The following NAV2 variants were observed in gnomAD, a reference collection of about 807,000 sequenced individuals.
The protein encoded by NAV2 is neuron navigator 2.
In NAV2, 54 loss-of-function variants were observed where a neutral mutation model predicts 223.2. That is an observed-to-expected ratio of 0.24 (90% CI 0.19 to 0.30). The LOEUF is 0.30. NAV2 is among the 10% of genes least tolerant of loss of function. The probability of loss-of-function intolerance (pLI) is 1.00; values close to 1 mark genes in which losing one functional copy is unlikely to be tolerated. For synonymous variants in NAV2, 1,279 were observed against 1,239.3 expected (o/e 1.03, Z -0.67); for missense variants, 2,806 against 3,147.5 (o/e 0.89, Z 2.60).
intron 3 of NAV2, among the ~76,000 whole-genome samples, chr11:19,854,125 C>T (rs988151771): frequency 1.3e-5 from 2 of 152,170 alleles, no homozygotes; most frequent in African/African-American, 4.8e-5. Flanking sequence ...ATATAAAAGC[C>T]ATCTGGGCCT....
chr11:19,434,016 C>G (rs1252097974), intron 1 of NAV2, among the ~76,000 whole-genome samples: 1 of 152,008 alleles, frequency 6.6e-6, no homozygotes, highest in East Asian at 1.9e-4. Context: ...GTGTAGGTGC[C>G]AGGCTTGGAA....
intron 1 of NAV2, 146 bp downstream of exon 1, chr11:19,714,108 G>T (rs1290768248): frequency 4.8e-6 from 6 of 1,256,570 alleles, no homozygotes; most frequent in Non-Finnish European, 1.1e-6. Flanking sequence ...GGCAGGTTGG[G>T]GGATGCGCGA....
chr11:19,916,751 C>G (rs1031992185), intron 6 of NAV2, among the ~76,000 whole-genome samples: 1 of 152,210 alleles, frequency 6.6e-6, no homozygotes, highest in Non-Finnish European at 1.5e-5. Context: ...TCTGGTGCAG[C>G]TATTCAATAT....
chr11:20,009,442 G>T lies in NAV2; in HGVS notation c.2768+25195G>T, dbSNP rs1333514922. On this transcript the variant is annotated intron_variant, in intron 11 of 37. Transcript: ENST00000349880. ...AGAACCTGTGACAAATGAGCTGTGA[G>T]ATAGTGTTATGATTTACAGCTTTCC... Among the ~76,000 whole-genome samples, 4 of 152,210 alleles carry T rather than the reference G, an allele frequency of 2.6e-5. No individual in the cohort carries two copies. In the East Asian group the frequency reaches 7.7e-4, roughly 29 times the overall value.
intron 1 of NAV2, among the ~76,000 whole-genome samples, chr11:19,781,697 G>A (rs1013978577): frequency 2.0e-5 from 3 of 151,856 alleles, no homozygotes; most frequent in Non-Finnish European, 4.4e-5. Context: ...CCAGGATGCT[G>A]TGGGCCCTGC....
At chr11:19,389,615 A>G (rs1849171237) in intron 1 of NAV2, among the ~76,000 whole-genome samples, 1 of 152,156 alleles carries the variant, frequency 6.6e-6, no homozygotes. Flanking sequence ...GTTGTGCCTC[A>G]CTGTGTTGTG....
chr11:19,525,533 G>T (rs2043814134), intron 1 of NAV2, among the ~76,000 whole-genome samples: 2 of 152,200 alleles, frequency 1.3e-5, no homozygotes, highest in Non-Finnish European at 2.9e-5. Flanking sequence ...ACAAGTCTGT[G>T]TGCCCAGGGA....
intron 5 of NAV2, among the ~76,000 whole-genome samples, chr11:19,890,412 G>A (rs552108859): frequency 6.6e-6 from 1 of 152,234 alleles, no homozygotes. Context: ...GCACAGCAGG[G>A]GCTCTCCAGC....
intron 1 of NAV2, among the ~76,000 whole-genome samples, chr11:19,750,849 C>T (rs1374620504): frequency 6.6e-6 from 1 of 152,208 alleles, no homozygotes; most frequent in Non-Finnish European, 1.5e-5. Flanking sequence ...TTGCTGCTCT[C>T]ATTTGTGGAG....
intron 1 of NAV2, among the ~76,000 whole-genome samples, chr11:19,372,506 T>A (rs930033789): frequency 1.3e-5 from 2 of 152,184 alleles, no homozygotes; most frequent in Admixed American, 1.3e-4. Context: ...ACCACTTTTC[T>A]AACTGGCGCA....
intron 11 of NAV2, among the ~76,000 whole-genome samples, chr11:20,005,566 G>A (rs76889675): frequency 3.5e-3 from 483 of 138,468 alleles, no homozygotes; most frequent in Middle Eastern, 0.011. Context: ...TTAAAAAAAA[G>A]AAAAAAAAAA....
intron 1 of NAV2, among the ~76,000 whole-genome samples, chr11:19,538,932 A>T (rs916796755): frequency 6.8e-5 from 10 of 147,848 alleles, no homozygotes; most frequent in African/African-American, 2.6e-4. Context: ...TTTAAAGGCC[A>T]CAAATCATGG....
intron 6 of NAV2, among the ~76,000 whole-genome samples, chr11:19,917,680 T>C (rs564460579): frequency 6.6e-6 from 1 of 152,348 alleles, no homozygotes; most frequent in South Asian, 2.1e-4. Flanking sequence ...TGGCACGATC[T>C]CAGCTCACTG....
chr11:19,946,459 G>A lies in NAV2; in HGVS notation c.2205G>A (p.Gln735=). The change falls in exon 9 of 38, where the codon CAG becomes CAA. Residue 735 remains glutamine (Q), a synonymous_variant. Transcript: ENST00000349880. ...TGAAGAACATCGCTGATCTGCGGCA[G>A]AATTTGGAGGAAACCATGTCCAGTT... ...RTVKNIADLR[Q]NLEETMSSLR... 6.2e-7 allele frequency: 1 copy of A among 1,613,844 alleles called. No individual in the cohort carries two copies. Among genetic ancestry groups the A allele is most frequent in the Non-Finnish European group, 8.5e-7 (1 of 1,179,906 alleles).
chr11:19,881,884 A>G (rs796151427), intron 5 of NAV2, among the ~76,000 whole-genome samples: 46 of 152,222 alleles, frequency 3.0e-4, no homozygotes, highest in African/African-American at 1.0e-3. Flanking sequence ...GAGCATAAAC[A>G]AGGTTATTAT....
At chr11:19,780,183 G>C (rs933027313) in intron 1 of NAV2, among the ~76,000 whole-genome samples, 2 of 152,308 alleles carry the variant, frequency 1.3e-5, no homozygotes. Context: ...CCACCTAGGA[G>C]AGAAGGCAGT....
intron 1 of NAV2, among the ~76,000 whole-genome samples, chr11:19,600,764 G>A (rs904502989): frequency 1.3e-5 from 2 of 152,140 alleles, no homozygotes; most frequent in African/African-American, 4.8e-5. Flanking sequence ...ATAATAGTAG[G>A]CATATACTAG....
chr11:19,887,108 T>A (rs1040583087), intron 5 of NAV2, among the ~76,000 whole-genome samples: 2 of 151,908 alleles, frequency 1.3e-5, no homozygotes, highest in African/African-American at 4.8e-5. Flanking sequence ...TCTGGCAGAG[T>A]AGGCCACCTC....
In NAV2 at chr11:19,409,724, G is replaced by C. The variant is rs543810728; in HGVS notation, c.75+58697G>C. On this transcript the variant is annotated intron_variant, in intron 1 of 37. Coordinates refer to the NAV2 transcript ENST00000360655. ...AATTTAGTTCTCTCCAAAACTCTTG[G>C]AGGTGGACTTATGGCCCTGTCTCCA... is the stretch of plus-strand genomic sequence containing the variant. 4.6e-5 allele frequency among the ~76,000 whole-genome samples: 7 copies of C among 152,270 alleles called. No homozygotes were observed. In the East Asian group the frequency reaches 1.2e-3, roughly 25 times the overall value.
Sources: allele counts gnomAD v4.1 joint callset (sites outside exome capture counted in the v4.1 genomes callset), GRCh38; gene constraint gnomAD v4.1.1; transcripts MANE v1.5; gene names NCBI Gene and HGNC (gene_info 2026-07-23, HGNC 2026-07-21).